GPHN: variants seen among roughly 807,000 people sequenced by gnomAD.
GPHN encodes gephyrin.
In GPHN, 17 loss-of-function variants were observed where a neutral mutation model predicts 95.5. That is an observed-to-expected ratio of 0.18 (90% CI 0.12 to 0.27). The LOEUF is 0.27. Among genes scored for constraint, GPHN ranks in the 10% least tolerant of loss-of-function variants. The pLI, the probability that GPHN is intolerant of heterozygous loss-of-function variation, is 1.00. For missense variants in GPHN, 660 were observed against 978.1 expected (o/e 0.67, Z 4.34); for synonymous variants, 320 against 322.5 (o/e 0.99, Z 0.08).
At chr14:67,715,966 C>T in the GPHN span, among the ~76,000 whole-genome samples, 15 of 152,174 alleles carry the variant, frequency 9.9e-5, no homozygotes, top group South Asian at 2.9e-3. Flanking sequence ...GAGGCCGAGG[C>T]GGGCGGATCA....
At chr14:67,071,305 A>G (rs1225007762) in intron 11 of GPHN, among the ~76,000 whole-genome samples, 2 of 152,210 alleles carry the variant, frequency 1.3e-5, no homozygotes, top group East Asian at 3.8e-4. Context: ...ATGCAGCCAT[A>G]AAAAATGATG....
intron 12 of GPHN, among the ~76,000 whole-genome samples, chr14:67,099,766 C>T (rs980869080): frequency 1.3e-4 from 20 of 151,930 alleles, no homozygotes; most frequent in Admixed American, 4.6e-4. Flanking sequence ...GCTACATAAA[C>T]GAGCAATTAA....
At chr14:66,518,485 C>G (rs895717394) in intron 1 of GPHN, among the ~76,000 whole-genome samples, 1 of 152,092 alleles carries the variant, frequency 6.6e-6, no homozygotes, top group Non-Finnish European at 1.5e-5. Context: ...TTTCACCACT[C>G]GGCACTTACC....
At chr14:67,661,644 A>ACCTCAGCC in the GPHN span, among the ~76,000 whole-genome samples, 1 of 143,670 alleles carries the variant, frequency 7.0e-6, no homozygotes, top group Admixed American at 7.5e-5. Flanking sequence ...GTGATCTCCC[A>ACCTCAGCC]CCTCAGCCTC....
the GPHN span, among the ~76,000 whole-genome samples, chr14:67,193,116 C>A: frequency 2.8e-5 from 4 of 142,000 alleles, no homozygotes; most frequent in Non-Finnish European, 4.6e-5. Context: ...ATATAGATAT[C>A]TCTCTATATA....
At chr14:66,707,864 A>G (rs892598131) in intron 2 of GPHN, among the ~76,000 whole-genome samples, 5 of 152,126 alleles carry the variant, frequency 3.3e-5, no homozygotes, top group South Asian at 2.1e-4. Flanking sequence ...TATACATTGT[A>G]TAATGGTCAA....
At chr14:67,597,314 C>CA in the GPHN span, among the ~76,000 whole-genome samples, 1 of 151,896 alleles carries the variant, frequency 6.6e-6, no homozygotes, top group African/African-American at 2.4e-5. Flanking sequence ...CCTGTCTCTA[C>CA]AAAAAATACA....
At chr14:66,579,515 G>A (rs1252352580) in intron 1 of GPHN, among the ~76,000 whole-genome samples, 1 of 151,558 alleles carries the variant, frequency 6.6e-6, no homozygotes, top group Non-Finnish European at 1.5e-5. Flanking sequence ...AATGGGAAAA[G>A]ATAGTCTATG....
Position 66,845,819 on chromosome 14 carries a change from C to CTGTGTGTGTGTGTGTG in GPHN, c.294+21279_294+21294dup, listed in dbSNP as rs367997271. On this transcript the variant is annotated intron_variant, in intron 4 of 22. Coordinates refer to ENST00000478722, the MANE Select transcript of GPHN (RefSeq NM_020806.5). The stretch of plus-strand genomic sequence containing the variant: ...TTAGGTAATGTGCACATACATGCCT[C>CTGTGTGTGTGTGTGTG]TGTGTGTGTGTGTGTGTGTGTGTGT... Among the ~76,000 whole-genome samples the CTGTGTGTGTGTGTGTG allele has an allele frequency of 1.4e-3, 207 of 143,396 alleles. 1 individual carries two copies. Among genetic ancestry groups the CTGTGTGTGTGTGTGTG allele is most frequent in the African/African-American group, 5.0e-3 (198 of 39,256 alleles). The allele number at this position is 143,396 out of a possible 152,430, so 94.1% of individuals were successfully genotyped here.
Position 66,508,343 on chromosome 14 carries a change from C to G in GPHN, c.-185C>G. On this transcript the variant is annotated 5_prime_UTR_variant, in exon 1 of 23. Coordinates refer to ENST00000478722, the MANE Select transcript of GPHN (RefSeq NM_020806.5). Reference sequence around the variant, plus strand: ...CCCCTCCCGCGGACCCGCGCACTCCCGGCGCGGCCTCTCCCCCACGCAGGC... The same window carrying G: ...CCCCTCCCGCGGACCCGCGCACTCCGGGCGCGGCCTCTCCCCCACGCAGGC... The G allele has an allele frequency of 1.6e-6, 1 of 639,998 alleles. No homozygotes were observed. Among genetic ancestry groups the G allele is most frequent in the Admixed American group, 2.4e-5 (1 of 40,928 alleles). The allele number at this position is 639,998 out of a possible 1,614,324, so 39.6% of individuals were successfully genotyped here. A position where few individuals can be genotyped will look rare whatever the true frequency, so the allele number is the denominator to read the frequency against.
chr14:67,389,971 G>C, the GPHN span, among the ~76,000 whole-genome samples: 13 of 152,142 alleles, frequency 8.5e-5, no homozygotes, highest in East Asian at 2.5e-3. Context: ...CTGGGTCCAG[G>C]CAGGGGTTCC....
At chr14:67,349,709 A>G in the GPHN span, among the ~76,000 whole-genome samples, 2 of 152,190 alleles carry the variant, frequency 1.3e-5, no homozygotes, top group Non-Finnish European at 2.9e-5. Context: ...TCAAAACAAA[A>G]CAAAAATAAA....
chr14:66,645,868 A>G (rs187405644), intron 1 of GPHN, among the ~76,000 whole-genome samples: 9 of 152,172 alleles, frequency 5.9e-5, no homozygotes, highest in African/African-American at 1.9e-4. Flanking sequence ...TGTTTTTACA[A>G]GGGGCCTGAT....
At chr14:66,753,394 G>A (rs903743864) in intron 2 of GPHN, among the ~76,000 whole-genome samples, 3 of 151,998 alleles carry the variant, frequency 2.0e-5, no homozygotes, top group Non-Finnish European at 2.9e-5. Context: ...CCAGCCTGGA[G>A]CAGCCATTTT....
chr14:67,630,353 A>C, the GPHN span, among the ~76,000 whole-genome samples: 1 of 152,156 alleles, frequency 6.6e-6, no homozygotes, highest in African/African-American at 2.4e-5. Context: ...TTAAGTTCAG[A>C]CCTAGATTCT....
At chr14:67,070,106 T>C (rs2076222653) in intron 11 of GPHN, among the ~76,000 whole-genome samples, 2 of 152,072 alleles carry the variant, frequency 1.3e-5, no homozygotes, top group Admixed American at 1.3e-4. Flanking sequence ...CCTTCAGGTA[T>C]TCATATCTCT....
the GPHN span, among the ~76,000 whole-genome samples, chr14:67,322,127 C>A: frequency 6.6e-6 from 1 of 152,084 alleles, no homozygotes; most frequent in Non-Finnish European, 1.5e-5. Context: ...GGGTGGATCA[C>A]TTGAGTTCAG....
the GPHN span, among the ~76,000 whole-genome samples, chr14:67,674,195 T>G: frequency 1.3e-5 from 2 of 152,024 alleles, no homozygotes; most frequent in South Asian, 4.2e-4. Flanking sequence ...AATCCCGAGG[T>G]CCAATTTACT....
chr14:67,426,669 G>A, the GPHN span, among the ~76,000 whole-genome samples: 4 of 152,294 alleles, frequency 2.6e-5, no homozygotes, highest in East Asian at 5.8e-4. Context: ...TCCGCCTCCT[G>A]GATTCAAGCG....
Sources: gnomAD v4.1 joint callset for allele counts (sites outside exome capture counted in the v4.1 genomes callset) on GRCh38, gnomAD v4.1.1 for gene constraint, MANE v1.5 for transcripts, NCBI Gene and HGNC (gene_info 2026-07-23, HGNC 2026-07-21) for gene names.